Variants in ARAP2 observed in about 807,000 individuals in gnomAD.
ARAP2 encodes arf-GAP with Rho-GAP domain, ANK repeat and PH domain-containing protein 2.
In ARAP2, 148 loss-of-function variants were observed where a neutral mutation model predicts 194.5. That is an observed-to-expected ratio of 0.76 (90% CI 0.67 to 0.87). The LOEUF (loss-of-function observed/expected upper bound fraction) is 0.87. Ranked by LOEUF, ARAP2 falls within the 40% of genes least tolerant of loss-of-function variation. ARAP2 has a pLI of 0.00. For synonymous variants in ARAP2, 695 were observed against 683.5 expected (o/e 1.02, Z -0.26); for missense variants, 2,128 against 1,989.7 (o/e 1.07, Z -1.32).
At chr4:36,220,265 C>A (rs969168093) in intron 2 of ARAP2, among the ~76,000 whole-genome samples, 2 of 151,952 alleles carry the variant, frequency 1.3e-5, no homozygotes, top group African/African-American at 4.8e-5. Flanking sequence ...TCATCCCCGG[C>A]ACGTTTTGAT....
At chr4:36,050,650 T>TCACA (rs1722512587) in intron 3 of ARAP2, among the ~76,000 whole-genome samples, 1 of 152,162 alleles carries the variant, frequency 6.6e-6, no homozygotes, top group Non-Finnish European at 1.5e-5. Context: ...TTCTAGAAGA[T>TCACA]CACACAAAAG....
intron 27 of ARAP2, among the ~76,000 whole-genome samples, chr4:36,097,029 A>G (rs1033161143): frequency 6.6e-6 from 1 of 152,110 alleles, no homozygotes; most frequent in Non-Finnish European, 1.5e-5. Context: ...TTTCATTTAC[A>G]TTTTTGCTCA....
chr4:36,094,466 C>A (rs1714647407), intron 27 of ARAP2, among the ~76,000 whole-genome samples: 1 of 152,086 alleles, frequency 6.6e-6, no homozygotes, highest in Non-Finnish European at 1.5e-5. Context: ...CACCAAGAAC[C>A]TGTTCAATCT....
chr4:36,086,317 T>G (rs1014077022), intron 28 of ARAP2, among the ~76,000 whole-genome samples: 9 of 152,082 alleles, frequency 5.9e-5, no homozygotes, highest in African/African-American at 1.9e-4. Flanking sequence ...TTTGAAAAAC[T>G]TTTGGTAATA....
intron 8 of ARAP2, among the ~76,000 whole-genome samples, chr4:36,179,449 C>T (rs1738718534): frequency 6.6e-6 from 1 of 152,158 alleles, no homozygotes; most frequent in African/African-American, 2.4e-5. Context: ...TGCGCATCCA[C>T]GCAGACTCAT....
chr4:36,235,178 A>C (rs1036977208), intron 1 of ARAP2, among the ~76,000 whole-genome samples: 7 of 152,122 alleles, frequency 4.6e-5, no homozygotes, highest in Admixed American at 1.3e-4. Flanking sequence ...AGCCTCTTAG[A>C]CTGATATTCC....
chr4:36,207,688 T>C (rs997218072), intron 6 of ARAP2, among the ~76,000 whole-genome samples: 4 of 152,208 alleles, frequency 2.6e-5, no homozygotes, highest in Non-Finnish European at 4.4e-5. Context: ...TGAAAAAGTA[T>C]AAACTAGAAT....
chr4:36,142,992 C>A (rs1477399277), intron 19 of ARAP2, among the ~76,000 whole-genome samples: 2 of 151,718 alleles, frequency 1.3e-5, no homozygotes, highest in Non-Finnish European at 3.0e-5. Flanking sequence ...ATCTCCCAGG[C>A]TCTCTCCCAA....
At chr4:36,082,028 C>G (rs892980246) in intron 30 of ARAP2, among the ~76,000 whole-genome samples, 1 of 152,036 alleles carries the variant, frequency 6.6e-6, no homozygotes, top group Non-Finnish European at 1.5e-5. Context: ...AGAAATCAGG[C>G]GTAGTTTCAC....
At chr4:36,114,857 C>T (rs934038990) in intron 25 of ARAP2, among the ~76,000 whole-genome samples, 5 of 151,960 alleles carry the variant, frequency 3.3e-5, no homozygotes, top group South Asian at 2.1e-4. Flanking sequence ...GTCGGTTCTA[C>T]GAAAGTCCCA....
Position 36,089,200 on chromosome 4 carries a change from T to C in ARAP2, c.4425+2681A>G, listed in dbSNP as rs1652302210. Among the ~76,000 whole-genome samples, 5 of 152,286 alleles carry C rather than the reference T, an allele frequency of 3.3e-5. 1 individual carries two copies. In the South Asian group the frequency reaches 1.0e-3, roughly 32 times the overall value. On this transcript the variant is annotated intron_variant, in intron 28 of 32. Coordinates refer to ENST00000303965, the MANE Select transcript of ARAP2 (RefSeq NM_015230.4). Reference sequence around the variant, plus strand: ...CACCATAGAATGGTTCTGCCTGTTCTTAGACTTCTTATGCACAGACTTATA... The same window carrying C: ...CACCATAGAATGGTTCTGCCTGTTCCTAGACTTCTTATGCACAGACTTATA...
chr4:36,223,692 C>A (rs1362623535), intron 2 of ARAP2, among the ~76,000 whole-genome samples: 1 of 150,802 alleles, frequency 6.6e-6, no homozygotes, highest in Non-Finnish European at 1.5e-5. Flanking sequence ...GAACTGGTAG[C>A]CTTCTAAAAA....
Position 36,071,970 on chromosome 4 carries a change from A to G in ARAP2, c.4743+1719T>C, listed in dbSNP as rs1727086350. Among the ~76,000 whole-genome samples, 2 of 151,896 alleles carry G rather than the reference A, an allele frequency of 1.3e-5. 1 individual carries two copies. Among genetic ancestry groups the G allele is most frequent in the South Asian group, 4.1e-4 (2 of 4,828 alleles). ...GCGGTGTTTGGTTTTTTGTTCTTGA[A>G]ATACTTAATATTTTAACTCACTTTT... On this transcript the variant is annotated intron_variant, in intron 32 of 32. Transcript: ENST00000303965.
chr4:36,204,109 G>T (rs1161107364), intron 6 of ARAP2, among the ~76,000 whole-genome samples: 1 of 152,090 alleles, frequency 6.6e-6, no homozygotes, highest in East Asian at 1.9e-4. Context: ...TGGAAAAGCT[G>T]GATTTTTATC....
intron 19 of ARAP2, among the ~76,000 whole-genome samples, chr4:36,141,946 T>C (rs1198184747): frequency 3.3e-5 from 5 of 151,612 alleles, no homozygotes; most frequent in African/African-American, 1.2e-4. Flanking sequence ...AAAAGGGAGA[T>C]GAAAACAAGG....
chr4:36,101,427 G>A (rs901083389), intron 27 of ARAP2, among the ~76,000 whole-genome samples: 2 of 148,898 alleles, frequency 1.3e-5, no homozygotes, highest in African/African-American at 2.5e-5. Flanking sequence ...TACTACTAAT[G>A]CAGCAAATTG....
At chr4:36,015,420 A>G (rs1036282822) in exon 8 of ARAP2, 6 of 152,230 alleles carry the variant, frequency 3.9e-5, no homozygotes, top group African/African-American at 1.2e-4. Flanking sequence ...CTATGCGCAG[A>G]TAAGAAGTTC....
intron 31 of ARAP2, among the ~76,000 whole-genome samples, chr4:36,076,972 G>C (rs892311060): frequency 1.3e-5 from 2 of 152,132 alleles, no homozygotes; most frequent in African/African-American, 4.8e-5. Context: ...CAGGAGTTAA[G>C]AAGGAATTAC....
intron 15 of ARAP2, among the ~76,000 whole-genome samples, chr4:36,158,305 A>G (rs865939805): frequency 2.0e-4 from 30 of 152,180 alleles, no homozygotes; most frequent in Middle Eastern, 3.2e-3. Flanking sequence ...TTCATCAGAA[A>G]AAAAAAACCT....
Sources: allele counts gnomAD v4.1 joint callset (sites outside exome capture counted in the v4.1 genomes callset), GRCh38; gene constraint gnomAD v4.1.1; transcripts MANE v1.5; gene names NCBI Gene and HGNC (gene_info 2026-07-23, HGNC 2026-07-21).